The following SPTSSB variants were observed in gnomAD, a reference collection of about 807,000 sequenced individuals.
The protein encoded by SPTSSB is serine palmitoyltransferase small subunit B.
A neutral mutation model predicts 7.7 loss-of-function variants in SPTSSB; 6 were observed. The observed-to-expected ratio is 0.78, with a 90% CI of 0.43 to 1.54. SPTSSB has a LOEUF of 1.54. Ranked by LOEUF, SPTSSB falls within the 40% of genes most tolerant of loss-of-function variation. SPTSSB has a pLI of 0.01. For missense variants in SPTSSB, 91 were observed against 93.0 expected (o/e 0.98, Z 0.09); for synonymous variants, 28 against 29.7 (o/e 0.94, Z 0.19).
intron 1 of SPTSSB, among the ~76,000 whole-genome samples, chr3:161,364,327 C>T (rs1433980755): frequency 1.3e-5 from 2 of 152,120 alleles, no homozygotes; most frequent in Non-Finnish European, 2.9e-5. Context: ...AGAGATCCCA[C>T]AGTCATCAAA....
chr3:161,352,926 T>C lies in SPTSSB; in HGVS notation c.-32-6571A>G, dbSNP rs1576896564. Among the ~76,000 whole-genome samples the C allele has an allele frequency of 1.3e-5, 2 of 152,200 alleles. 1 individual carries two copies. The highest frequency in any genetic ancestry group is 4.8e-5 in the African/African-American group (2 of 41,462). ...GTTTTAAATCCTATTGAAATAGCTC[T>C]TAGAAGTGCTTACTCTAGGTGAGTA... On this transcript the variant is annotated intron_variant, in intron 2 of 2. Transcript: ENST00000620149.
intron 2 of SPTSSB, among the ~76,000 whole-genome samples, chr3:161,348,519 ACAAT>A (rs1560102351): frequency 6.6e-6 from 1 of 152,178 alleles, no homozygotes; most frequent in Non-Finnish European, 1.5e-5. Flanking sequence ...TAAAAGTCAA[ACAAT>A]CAATCAATGA....
intron 2 of SPTSSB, among the ~76,000 whole-genome samples, chr3:161,357,625 G>A (rs891167063): frequency 1.3e-5 from 2 of 152,212 alleles, no homozygotes; most frequent in African/African-American, 2.4e-5. Context: ...CTTTTTGGAA[G>A]AAGAGTCTTT....
chr3:161,368,429 C>G (rs1715307632), intron 1 of SPTSSB, among the ~76,000 whole-genome samples: 1 of 134,792 alleles, frequency 7.4e-6, no homozygotes, highest in Non-Finnish European at 1.6e-5. Flanking sequence ...ATCTTACCTT[C>G]TTTTTTTTTT....
At chr3:161,370,103 G>A (rs1715443630) in intron 1 of SPTSSB, among the ~76,000 whole-genome samples, 1 of 152,160 alleles carries the variant, frequency 6.6e-6, no homozygotes, top group South Asian at 2.1e-4. Context: ...TTGGTGGTAA[G>A]ATAGTGGCAA....
chr3:161,361,521 G>T (rs1308160233), intron 1 of SPTSSB, among the ~76,000 whole-genome samples: 1 of 152,154 alleles, frequency 6.6e-6, no homozygotes, highest in Non-Finnish European at 1.5e-5. Context: ...ACTGGAGTTT[G>T]CTATTGCATG....
intron 1 of SPTSSB, among the ~76,000 whole-genome samples, chr3:161,360,198 C>T (rs909560475): frequency 1.3e-5 from 2 of 152,212 alleles, no homozygotes; most frequent in East Asian, 3.9e-4. Context: ...AACACCCCAC[C>T]TCACTTCTTT....
rs560476436 is a variant in SPTSSB at position 161,362,391 on chromosome 3, G to A, written c.-125-2497C>T. Among the ~76,000 whole-genome samples, 12 of 152,208 alleles carry A rather than the reference G, an allele frequency of 7.9e-5. No individual in the cohort carries two copies. In the East Asian group the frequency reaches 2.3e-3, roughly 29 times the overall value. ...ATGTACTGCGACTCCACCTCCCCATGACAGACCTTTGGTAAAGAGTTCACA... is the reference window on the plus strand; with the variant it reads ...ATGTACTGCGACTCCACCTCCCCATAACAGACCTTTGGTAAAGAGTTCACA... On this transcript the variant is annotated intron_variant, in intron 1 of 2. Coordinates refer to ENST00000620149, the MANE Select transcript of SPTSSB (RefSeq NM_001040100.2).
At chr3:161,359,732 C>G (rs570772245) in intron 2 of SPTSSB, 70 bp downstream of exon 2, 1 of 985,084 alleles carries the variant, frequency 1.0e-6, no homozygotes, top group African/African-American at 1.7e-5. Context: ...GTGTTAATGA[C>G]GCCATCTCAC....
intron 1 of SPTSSB, among the ~76,000 whole-genome samples, chr3:161,364,838 C>A (rs1715154586): frequency 2.0e-5 from 3 of 152,014 alleles, no homozygotes; most frequent in Admixed American, 1.3e-4. Flanking sequence ...TATTATTGCC[C>A]CAGAAAAGTT....
chr3:161,368,661 C>G (rs1453838158), intron 1 of SPTSSB, among the ~76,000 whole-genome samples: 1 of 152,050 alleles, frequency 6.6e-6, no homozygotes, highest in Non-Finnish European at 1.5e-5. Flanking sequence ...CTCCTGACCT[C>G]GTGATCCGCC....
At chr3:161,358,145 A>T (rs1234241895) in intron 2 of SPTSSB, among the ~76,000 whole-genome samples, 6 of 149,960 alleles carry the variant, frequency 4.0e-5, no homozygotes, top group Non-Finnish European at 7.4e-5. Flanking sequence ...CTTCCCAAGT[A>T]GGTGGGAATA....
intron 2 of SPTSSB, among the ~76,000 whole-genome samples, chr3:161,349,955 G>A (rs1331887578): frequency 6.6e-6 from 1 of 152,192 alleles, no homozygotes; most frequent in Non-Finnish European, 1.5e-5. Flanking sequence ...CTCTCAGATA[G>A]AGAGGGAGAA....
rs749402614 is a variant in SPTSSB at position 161,346,278 on chromosome 3, G to A, written c.46C>T (p.Gln16Ter). Reference protein sequence around the residue: ...VKEYFSWLYYQYQIISCCAVL... With the variant: ...VKEYFSWLYY The stretch of plus-strand genomic sequence containing the variant: ...GCACAGCAGCTAATGATTTGGTATT[G>A]ATAGTAGAGCCAGGAGAAATATTCC... The change falls in exon 3 of 3, where the codon CAA becomes TAA. Residue 16 changes from glutamine (Q) to a stop codon, truncating the protein, a stop_gained. Coordinates refer to ENST00000620149, the MANE Select transcript of SPTSSB (RefSeq NM_001040100.2). LOFTEE classifies it high-confidence loss of function. 1 of 1,613,924 alleles carries A rather than the reference G, an allele frequency of 6.2e-7. No homozygotes were observed. The highest frequency in any genetic ancestry group is 8.5e-7 in the Non-Finnish European group (1 of 1,179,872).
chr3:161,361,485 A>G (rs770811293), intron 1 of SPTSSB, among the ~76,000 whole-genome samples: 1 of 152,222 alleles, frequency 6.6e-6, no homozygotes, highest in Non-Finnish European at 1.5e-5. Context: ...TCATATTAAA[A>G]AAAGTGTGGA....
In SPTSSB at chr3:161,359,102, A is replaced by G. The variant is rs9811652; in HGVS notation, c.-33+700T>C. On this transcript the variant is annotated intron_variant, in intron 2 of 2. Coordinates refer to ENST00000620149, the MANE Select transcript of SPTSSB (RefSeq NM_001040100.2). Reference sequence around the variant, plus strand: ...TAAAAGTGGACAGGCAGCTAGTAGTATCTAGGTGTTTTTTTTGTAATTCTA... The same window carrying G: ...TAAAAGTGGACAGGCAGCTAGTAGTGTCTAGGTGTTTTTTTTGTAATTCTA... Among the ~76,000 whole-genome samples the G allele has an allele frequency of 9.3e-3, 1,421 of 152,294 alleles. 35 individuals are homozygous for G. Among genetic ancestry groups the G allele is most frequent in the South Asian group, 0.014 (69 of 4,820 alleles).
At chr3:161,357,247 C>T (rs911729221) in intron 2 of SPTSSB, among the ~76,000 whole-genome samples, 3 of 152,138 alleles carry the variant, frequency 2.0e-5, no homozygotes, top group Non-Finnish European at 2.9e-5. Flanking sequence ...GCACATAAAT[C>T]GCTTAGATTT....
At chr3:161,365,127 A>G (rs1213403204) in intron 1 of SPTSSB, among the ~76,000 whole-genome samples, 1 of 152,212 alleles carries the variant, frequency 6.6e-6, no homozygotes, top group Non-Finnish European at 1.5e-5. Context: ...TTATTGAGCA[A>G]CTTATGTTTC....
chr3:161,368,673 G>A (rs541923179), intron 1 of SPTSSB, among the ~76,000 whole-genome samples: 86 of 152,146 alleles, frequency 5.7e-4, no homozygotes, highest in African/African-American at 2.0e-3. Context: ...TGATCCGCCC[G>A]CCTCGGCCTC....
Sources: gnomAD v4.1 joint callset for allele counts (sites outside exome capture counted in the v4.1 genomes callset) on GRCh38, gnomAD v4.1.1 for gene constraint, MANE v1.5 for transcripts, NCBI Gene and HGNC (gene_info 2026-07-23, HGNC 2026-07-21) for gene names.